The following TMEM135 variants were observed in gnomAD, a reference collection of about 807,000 sequenced individuals.
The protein encoded by TMEM135 is peroxisomal membrane protein 52.
A neutral mutation model predicts 60.3 loss-of-function variants in TMEM135; 30 were observed. That is an observed-to-expected ratio of 0.50 (90% confidence interval 0.37 to 0.68). The LOEUF is 0.68. Ranked by LOEUF, TMEM135 falls within the 30% of genes least tolerant of loss-of-function variation. TMEM135 has a pLI of 0.00. For synonymous variants in TMEM135, 190 were observed against 186.7 expected, an observed-to-expected ratio of 1.02 and a Z score of -0.14; for missense variants, 468 against 548.8, an observed-to-expected ratio of 0.85 and a Z score of 1.47.
In TMEM135 at chr11:87,322,929, A is replaced by T. The variant is rs1246298014; in HGVS notation, c.*1596A>T. 2 of 454,430 alleles carry T rather than the reference A, an allele frequency of 4.4e-6. No homozygotes were observed. The highest frequency in any genetic ancestry group is 4.7e-5 in the Admixed American group (2 of 42,556). 28.1% of individuals were successfully genotyped at this position (454,430 alleles called of 1,614,324 possible). On this transcript the variant is annotated 3_prime_UTR_variant, in exon 15 of 15. Transcript: ENST00000305494. ...ATTTCGGTTTCAGACTTCAAAGTTG[A>T]TTAATAAATTTAATCTTAACTTTTT...
chr11:87,310,790 A>T (rs925351080), intron 10 of TMEM135, among the ~76,000 whole-genome samples: 1 of 151,094 alleles, frequency 6.6e-6, no homozygotes, highest in Non-Finnish European at 1.5e-5. Flanking sequence ...AAAAAAATAG[A>T]TTTTTTTTTA....
chr11:87,154,630 C>T (rs1938642935), intron 4 of TMEM135, among the ~76,000 whole-genome samples: 1 of 152,202 alleles, frequency 6.6e-6, no homozygotes, highest in East Asian at 1.9e-4. Flanking sequence ...ACATCCTTCT[C>T]AACACTTGAT....
intron 6 of TMEM135, among the ~76,000 whole-genome samples, chr11:87,247,049 T>G (rs1296668351): frequency 5.9e-4 from 88 of 148,204 alleles, no homozygotes; most frequent in East Asian, 2.0e-3. Flanking sequence ...GTCCTTTCTG[T>G]TTGTTAGTTT....
At chr11:87,278,865 C>T (rs1269894168) in intron 6 of TMEM135, among the ~76,000 whole-genome samples, 1 of 152,032 alleles carries the variant, frequency 6.6e-6, no homozygotes, top group Non-Finnish European at 1.5e-5. Context: ...TCCTCTCATC[C>T]CTGATAGCAG....
chr11:87,140,055 A>T (rs1015215049), intron 4 of TMEM135, among the ~76,000 whole-genome samples: 2 of 151,380 alleles, frequency 1.3e-5, no homozygotes, highest in African/African-American at 4.9e-5. Context: ...TTTGTGGCTT[A>T]CTTTTTCTTT....
At chr11:87,187,115 G>A (rs1439491898) in intron 5 of TMEM135, among the ~76,000 whole-genome samples, 1 of 152,134 alleles carries the variant, frequency 6.6e-6, no homozygotes, top group Non-Finnish European at 1.5e-5. Context: ...GATTTTAAAT[G>A]TTTAGTGCTT....
intron 5 of TMEM135, among the ~76,000 whole-genome samples, chr11:87,183,310 T>C (rs1939566889): frequency 6.6e-6 from 1 of 151,194 alleles, no homozygotes; most frequent in Admixed American, 6.6e-5. Flanking sequence ...GCCTGGTTAA[T>C]TTTTGTATTT....
intron 6 of TMEM135, chr11:87,259,266 G>A: frequency 2.4e-6 from 1 of 409,638 alleles, no homozygotes; most frequent in Non-Finnish European, 4.7e-6. Context: ...GGCCATGGCT[G>A]TAGGGGACAC....
chr11:87,231,123 G>A lies in TMEM135; in HGVS notation c.463-5515G>A, dbSNP rs149488344. On this transcript the variant is annotated intron_variant, in intron 5 of 14. Coordinates refer to ENST00000305494, the MANE Select transcript of TMEM135 (RefSeq NM_022918.4). ...ATTTCCAGGCATGGATCAAAGAGGC[G>A]TCACTCAGACAAAACCTAGAGGACT... 3.3e-3 allele frequency among the ~76,000 whole-genome samples: 496 copies of A among 152,190 alleles called. 1 individual carries two copies. The highest frequency in any genetic ancestry group is 7.0e-3 in the African/African-American group (292 of 41,548).
chr11:87,272,663 C>T (rs545565310), intron 6 of TMEM135, among the ~76,000 whole-genome samples: 38 of 152,004 alleles, frequency 2.5e-4, no homozygotes, highest in Non-Finnish European at 5.9e-5. Context: ...AGGTCTTGCT[C>T]TGTTGCTGGG....
Position 87,314,514 on chromosome 11 carries a change from A to C in TMEM135, c.1044A>C (p.Thr348=). The C allele has an allele frequency of 6.2e-7, 1 of 1,610,972 alleles. No homozygotes were observed. The highest frequency in any genetic ancestry group is 8.5e-7 in the Non-Finnish European group (1 of 1,177,852). ...GISMMFYKST[T]ISMYLASKLV... ...CAATGATGTTTTATAAAAGCACAAC[A>C]ATTTCCATGTATTTAGCGTCCAAAT... Residue 348 remains threonine, a synonymous_variant, in exon 12 of 15, where the codon ACA becomes ACC. Transcript: ENST00000305494.
chr11:87,251,568 C>A (rs1188977824), intron 6 of TMEM135, among the ~76,000 whole-genome samples: 1 of 150,780 alleles, frequency 6.6e-6, no homozygotes, highest in African/African-American at 2.5e-5. Context: ...GATGTGACAA[C>A]CCAAAATAAG....
intron 5 of TMEM135, among the ~76,000 whole-genome samples, chr11:87,205,991 T>C (rs1337576671): frequency 6.6e-6 from 1 of 152,186 alleles, no homozygotes; most frequent in Non-Finnish European, 1.5e-5. Flanking sequence ...TCTTACTAAT[T>C]ATAATAAATC....
At chr11:87,240,366 G>A (rs985129111) in intron 6 of TMEM135, among the ~76,000 whole-genome samples, 1 of 151,670 alleles carries the variant, frequency 6.6e-6, no homozygotes, top group African/African-American at 2.4e-5. Context: ...TGTTTCTATC[G>A]ATTTTGGCCA....
chr11:87,300,920 T>A (rs1942435083), intron 7 of TMEM135, among the ~76,000 whole-genome samples: 1 of 144,350 alleles, frequency 6.9e-6, no homozygotes, highest in Non-Finnish European at 1.6e-5. Flanking sequence ...CAGTAAATCC[T>A]GTAAATGAAC....
At chr11:87,242,772 G>T (rs1288637829) in intron 6 of TMEM135, among the ~76,000 whole-genome samples, 1 of 139,622 alleles carries the variant, frequency 7.2e-6, no homozygotes, top group Non-Finnish European at 1.6e-5. Context: ...AGATGAGTAG[G>T]TTGCAAAAAT....
intron 6 of TMEM135, among the ~76,000 whole-genome samples, chr11:87,262,145 C>CTTTTTTTTTTTTTTTTTTTTTTTT (rs1941665646): frequency 1.3e-5 from 2 of 152,120 alleles, no homozygotes; most frequent in African/African-American, 4.8e-5. Flanking sequence ...TGCAGGTTTT[C>CTTTTTTTTTTTTTTTTTTTTTTTT]GTTGTTGCAA....
chr11:87,260,393 T>G (rs1941626587), intron 6 of TMEM135, among the ~76,000 whole-genome samples: 1 of 152,198 alleles, frequency 6.6e-6, no homozygotes. Context: ...ATCTCACTTT[T>G]GAAAACCACC....
intron 6 of TMEM135, chr11:87,259,055 G>A: frequency 7.4e-7 from 1 of 1,352,178 alleles, no homozygotes; most frequent in South Asian, 1.2e-5. Context: ...TACATTTTGT[G>A]AGCCACAAAG....
Sources: allele counts gnomAD v4.1 joint callset (sites outside exome capture counted in the v4.1 genomes callset), GRCh38; gene constraint gnomAD v4.1.1; transcripts MANE v1.5; gene names NCBI Gene and HGNC (gene_info 2026-07-23, HGNC 2026-07-21).